Variants in PRSS1 observed in about 807,000 individuals in gnomAD.
PRSS1 encodes the protein serine protease 1, also known as TCR V beta 4.1.
Under a neutral mutation model 24.2 loss-of-function variants are expected in PRSS1, and 22 were observed. That is an observed-to-expected ratio of 0.91 (90% CI 0.65 to 1.30). The LOEUF is 1.30. Ranked by LOEUF, PRSS1 falls within the 50% of genes most tolerant of loss-of-function variation. The pLI is 0.00. For synonymous variants in PRSS1, 126 were observed against 116.1 expected (o/e 1.08, Z -0.55); for missense variants, 366 against 304.2 (o/e 1.20, Z -1.51).
At position 142,752,439 on chromosome 7, in the gene PRSS1, C is replaced by G; in HGVS notation, c.463C>G (p.Pro155Ala). The part of the protein sequence containing the change: ...GNTASSGADY[P>A]DELQCLDAPV... ...CTTCCTGATCCTCACAGCCGACTAC[C>G]CAGACGAGCTGCAGTGCCTGGATGC... Residue 155 changes from proline to alanine, a missense_variant, in exon 4 of 5, where the codon CCA becomes GCA. Transcript: ENST00000311737. 2 of 1,614,104 alleles carry G rather than the reference C, an allele frequency of 1.2e-6. No individual in the cohort carries two copies. Among genetic ancestry groups the G allele is most frequent in the Admixed American group, 1.7e-5 (1 of 60,018 alleles).
At chr7:142,751,087 T>A (rs374770738) in intron 2 of PRSS1, 1 of 702,094 alleles carries the variant, frequency 1.4e-6, no homozygotes, top group Non-Finnish European at 2.6e-6. Flanking sequence ...AGTCAAAATT[T>A]TCAGGAAGAG....
At position 142,752,038 on chromosome 7, in the gene PRSS1, C is replaced by T. The variant is rs1400925603; in HGVS notation, c.454+11C>T. On this transcript the variant is annotated intron_variant, in intron 3 of 4. Coordinates refer to ENST00000311737, the MANE Select transcript of PRSS1 (RefSeq NM_002769.5). ...CTGCGAGCTCTGGCGGTGAGTGGGA[C>T]CCTTAGTCCTTCTACTTCCCTCCAT... 1.9e-6 allele frequency: 3 copies of T among 1,614,064 alleles called. No homozygotes were observed. Among genetic ancestry groups the T allele is most frequent in the Non-Finnish European group, 1.7e-6 (2 of 1,179,994 alleles).
At position 142,752,412 on chromosome 7, in the gene PRSS1, C is replaced by G. The variant is rs778511900; in HGVS notation, c.455-19C>G. ...GACCCACATTTCTACTTCCTTTGATCTCTTCCTGATCCTCACAGCCGACTA... is the reference window on the plus strand; with the variant it reads ...GACCCACATTTCTACTTCCTTTGATGTCTTCCTGATCCTCACAGCCGACTA... On this transcript the variant is annotated intron_variant, in intron 3 of 4. Transcript: ENST00000311737. 2 of 1,613,336 alleles carry G rather than the reference C, an allele frequency of 1.2e-6. No individual in the cohort carries two copies. Among genetic ancestry groups the G allele is most frequent in the Non-Finnish European group, 1.7e-6 (2 of 1,179,406 alleles).
At position 142,751,922 on chromosome 7, in the gene PRSS1, G is replaced by T. The variant is rs1454337017; in HGVS notation, c.349G>T (p.Ala117Ser). ...DIMLIKLSSR[A>S]VINARVSTIS... ...CATGTTAATCAAGCTCTCCTCACGTGCAGTAATCAACGCCCGCGTGTCCAC... is the reference window on the plus strand; with the variant it reads ...CATGTTAATCAAGCTCTCCTCACGTTCAGTAATCAACGCCCGCGTGTCCAC... Residue 117 changes from alanine to serine, a missense_variant, in exon 3 of 5, where the codon GCA (alanine) becomes TCA (serine). Ala to Ser is a moderately conservative substitution (Grantham distance 99). Transcript: ENST00000311737. The T allele has an allele frequency of 1.2e-6, 2 of 1,614,024 alleles. No individual in the cohort carries two copies. Among genetic ancestry groups the T allele is most frequent in the South Asian group, 1.1e-5 (1 of 91,070 alleles).
At chr7:142,752,668 C>T in intron 4 of PRSS1, 101 bp downstream of exon 4, 1 of 1,570,012 alleles carries the variant, frequency 6.4e-7, no homozygotes, top group South Asian at 1.1e-5. Context: ...TGAGGAGGCT[C>T]CCTGCAGTGC....
In PRSS1 at chr7:142,752,494, C is replaced by A. The variant is rs777531305; in HGVS notation, c.518C>A (p.Ala173Asp). The change falls in exon 4 of 5, where the codon GCC becomes GAC. Residue 173 changes from alanine (A) to aspartate (D), a missense_variant. Ala to Asp is a moderately radical substitution (Grantham distance 126). Coordinates refer to ENST00000311737, the MANE Select transcript of PRSS1 (RefSeq NM_002769.5). ...GTGCTGAGCCAGGCTAAGTGTGAAGCCTCCTACCCTGGAAAGATTACCAGC... is the reference window on the plus strand; with the variant it reads ...GTGCTGAGCCAGGCTAAGTGTGAAGACTCCTACCCTGGAAAGATTACCAGC... ...APVLSQAKCE[A>D]SYPGKITSNM... The A allele has an allele frequency of 5.6e-6, 9 of 1,614,058 alleles. No homozygotes were observed. The highest frequency in any genetic ancestry group is 7.6e-6 in the Non-Finnish European group (9 of 1,180,010).
At chr7:142,751,617 G>T in intron 2 of PRSS1, 157 bp from the exon 3 acceptor site, 1 of 1,399,868 alleles carries the variant, frequency 7.1e-7, no homozygotes, top group South Asian at 1.3e-5. Flanking sequence ...TACCTTCACT[G>T]ACCCACATCC....
At chr7:142,750,750 C>G in intron 2 of PRSS1, 36 bp downstream of exon 2, 1 of 1,613,718 alleles carries the variant, frequency 6.2e-7, no homozygotes, top group Non-Finnish European at 8.5e-7. Context: ...AGCTCCCGGC[C>G]AGTCTGCCTG....
intron 2 of PRSS1, chr7:142,751,402 G>A: frequency 3.5e-6 from 2 of 573,574 alleles, no homozygotes; most frequent in South Asian, 4.2e-5. Context: ...GGAGGAACAG[G>A]CACTGTGCAC....
intron 2 of PRSS1, chr7:142,751,287 A>G (rs905458532): frequency 8.3e-6 from 5 of 603,818 alleles, no homozygotes; most frequent in African/African-American, 1.9e-5. Context: ...GGGGGTAAGG[A>G]CCAAGAATTC....
In PRSS1 at chr7:142,752,030, G is replaced by A. The variant is rs375996400; in HGVS notation, c.454+3G>A. 4.3e-6 allele frequency: 7 copies of A among 1,614,030 alleles called. No homozygotes were observed. In the African/African-American group the frequency reaches 8.0e-5, roughly 18 times the overall value. On this transcript the variant is annotated splice_donor_region_variant and intron_variant, in intron 3 of 4. Transcript: ENST00000311737. ...GGGCAACACTGCGAGCTCTGGCGGT[G>A]AGTGGGACCCTTAGTCCTTCTACTT... is the stretch of plus-strand genomic sequence containing the variant.
At chr7:142,749,634 T>G in intron 1 of PRSS1, 110 bp downstream of exon 1, 1 of 1,420,182 alleles carries the variant, frequency 7.0e-7, no homozygotes, top group Non-Finnish European at 9.9e-7. Context: ...GATATTCCGT[T>G]TCCTCCATCT....
In PRSS1 at chr7:142,750,411, C is replaced by A. The variant is rs1307110119; in HGVS notation, c.41-144C>A. 1.2e-5 allele frequency: 12 copies of A among 963,336 alleles called. No individual in the cohort carries two copies. In the Admixed American group the frequency reaches 1.6e-4, roughly 12 times the overall value. 59.7% of individuals were successfully genotyped at this position (963,336 alleles called of 1,614,324 possible). On this transcript the variant is annotated intron_variant, in intron 1 of 4. Coordinates refer to ENST00000311737, the MANE Select transcript of PRSS1 (RefSeq NM_002769.5). Reference sequence around the variant, plus strand: ...CTTGGGAGCCACAGGCAGTGATGATCACCAGGGGTGGCAGAGCTCCCTCCC... The same window carrying A: ...CTTGGGAGCCACAGGCAGTGATGATAACCAGGGGTGGCAGAGCTCCCTCCC...
chr7:142,750,484 C>A, intron 1 of PRSS1, 71 bp from the exon 2 acceptor site: 2 of 1,607,446 alleles, frequency 1.2e-6, no homozygotes, highest in African/African-American at 1.3e-5. Flanking sequence ...TAGCAGAAAG[C>A]AATCACAGGC....
chr7:142,752,376 T>A (rs1798817590), intron 3 of PRSS1, 55 bp from the exon 4 acceptor site: 2 of 1,596,600 alleles, frequency 1.3e-6, no homozygotes, highest in Middle Eastern at 1.7e-4. Flanking sequence ...TATTGTCTCC[T>A]TCTCTGGCCT....
chr7:142,751,840 T>A lies in PRSS1; in HGVS notation c.267T>A (p.Asn89Lys), dbSNP rs779618969. ...TGGAGGGGAATGAGCAGTTCATCAA[T>A]GCAGCCAAGATCATCCGCCACCCCC... is the stretch of plus-strand genomic sequence containing the variant. The part of the protein sequence containing the change: ...EVLEGNEQFI[N>K]AAKIIRHPQY... Residue 89 changes from asparagine to lysine, a missense_variant, in exon 3 of 5, where the codon AAT becomes AAA. Transcript: ENST00000311737. 1 of 1,614,086 alleles carries A rather than the reference T, an allele frequency of 6.2e-7. No homozygotes were observed.
In PRSS1 at chr7:142,749,490, T is replaced by G. The variant is rs140591237; in HGVS notation, c.6T>G (p.Asn2Lys). M[N>K]PLLILTFVAA... is the part of the protein sequence containing the mutation. ...GTCAGGCACACTCTACCACCATGAA[T>G]CCACTCCTGATCCTTACCTTTGTGG... Residue 2 changes from asparagine to lysine, a missense_variant, in exon 1 of 5, where the codon AAT (asparagine) becomes AAG (lysine). Asn to Lys is a moderately conservative substitution (Grantham distance 94). Coordinates refer to ENST00000311737, the MANE Select transcript of PRSS1 (RefSeq NM_002769.5). 6.2e-7 allele frequency: 1 copy of G among 1,614,114 alleles called. No homozygotes were observed. Among genetic ancestry groups the G allele is most frequent in the Non-Finnish European group, 8.5e-7 (1 of 1,180,012 alleles).
chr7:142,751,666 A>C, intron 2 of PRSS1, 108 bp from the exon 3 acceptor site: 1 of 1,606,540 alleles, frequency 6.2e-7, no homozygotes, highest in Non-Finnish European at 8.5e-7. Context: ...ACCCCACCCC[A>C]TGCCTCCAGA....
In PRSS1 at chr7:142,752,533, T is replaced by C; in HGVS notation, c.557T>C (p.Val186Ala). The change falls in exon 4 of 5, where the codon GTG (valine) becomes GCG (alanine). Residue 186 changes from valine (V) to alanine (A), a missense_variant. By Grantham distance (64) the Val-to-Ala change is moderately conservative (BLOSUM62 0). Coordinates refer to ENST00000311737, the MANE Select transcript of PRSS1 (RefSeq NM_002769.5). ...AAGATTACCAGCAACATGTTCTGTG[T>C]GGGCTTCCTTGAGGGAGGCAAGGAT... ...PGKITSNMFC[V>A]GFLEGGKDSC... 1 of 1,614,210 alleles carries C rather than the reference T, an allele frequency of 6.2e-7. No individual in the cohort carries two copies. Among genetic ancestry groups the C allele is most frequent in the Non-Finnish European group, 8.5e-7 (1 of 1,180,034 alleles).
Sources: gnomAD v4.1 joint callset for allele counts on GRCh38, gnomAD v4.1.1 for gene constraint, MANE v1.5 for transcripts, NCBI Gene and HGNC (gene_info 2026-07-23, HGNC 2026-07-21) for gene names.